CCDC93: variants seen among roughly 807,000 people sequenced by gnomAD.
CCDC93 encodes CCC complex scaffolding subunit CCDC93.
A neutral mutation model predicts 108.2 loss-of-function variants in CCDC93; 61 were observed. The ratio of observed to expected loss-of-function variants is 0.56; its 90% CI spans 0.46 to 0.70. CCDC93 has a LOEUF of 0.70. Among genes scored for constraint, CCDC93 ranks in the 30% least tolerant of loss-of-function variants. The pLI is 0.00. For synonymous variants in CCDC93, 276 were observed against 260.4 expected (o/e 1.06, Z -0.58); for missense variants, 685 against 764.2 (o/e 0.90, Z 1.22).
chr2:118,012,150 T>C (rs1366148291), intron 1 of CCDC93, among the ~76,000 whole-genome samples: 1 of 152,130 alleles, frequency 6.6e-6, no homozygotes, highest in Admixed American at 6.5e-5. Flanking sequence ...GGCTCACATC[T>C]GCAATCCCAG....
intron 1 of CCDC93, among the ~76,000 whole-genome samples, chr2:118,011,801 A>T (rs1249244244): frequency 1.3e-5 from 2 of 152,212 alleles, no homozygotes; most frequent in African/African-American, 4.8e-5. Context: ...TTACTTTTGC[A>T]ATATAACTTG....
chr2:117,923,642 C>G (rs546372581), intron 23 of CCDC93, among the ~76,000 whole-genome samples: 3 of 148,828 alleles, frequency 2.0e-5, no homozygotes, highest in African/African-American at 5.1e-5. Flanking sequence ...TGGAGCTCAC[C>G]GCAGCACAAG....
intron 1 of CCDC93, among the ~76,000 whole-genome samples, chr2:118,013,151 G>A (rs1677064162): frequency 6.6e-6 from 1 of 152,234 alleles, no homozygotes; most frequent in South Asian, 2.1e-4. Flanking sequence ...GCAGCCAAAA[G>A]AAAATGAATA....
intron 23 of CCDC93, among the ~76,000 whole-genome samples, chr2:117,929,990 A>G (rs773877697): frequency 1.3e-5 from 2 of 152,154 alleles, no homozygotes; most frequent in Non-Finnish European, 2.9e-5. Context: ...TATGCTCCTT[A>G]AGGAGGAGGA....
chr2:117,950,966 A>C (rs1679036314), intron 13 of CCDC93: 3 of 985,290 alleles, frequency 3.0e-6, no homozygotes, highest in Admixed American at 6.2e-5. Context: ...TGCTGTTTTC[A>C]TTTGAGGATA....
At chr2:118,006,692 C>A in intron 3 of CCDC93, 30 bp downstream of exon 3, 1 of 1,351,080 alleles carries the variant, frequency 7.4e-7, no homozygotes, top group Non-Finnish European at 1.1e-6. Context: ...CCCTTCTCCC[C>A]ACCTTTAGGT....
chr2:117,973,922 C>T lies in CCDC93; in HGVS notation c.874G>A (p.Glu292Lys), dbSNP rs372750359. The change falls in exon 11 of 24, where the codon GAG (glutamate) becomes AAG (lysine). Residue 292 changes from glutamate to lysine, a missense_variant. Glu to Lys is a moderately conservative substitution (Grantham distance 56, BLOSUM62 1). Coordinates refer to ENST00000376300, the MANE Select transcript of CCDC93 (RefSeq NM_019044.5). ...CSAEIKQIVSEYAEKQSELSA... is the reference protein window; with the variant it reads ...CSAEIKQIVSKYAEKQSELSA... ...CCCCCACCTACCTTCTCTGCATACT[C>T]GGACACAATCTGCTTGATCTCAGCA... 135 of 1,611,470 alleles carry T rather than the reference C, an allele frequency of 8.4e-5. No homozygotes were observed. The highest frequency in any genetic ancestry group is 1.1e-4 in the Non-Finnish European group (124 of 1,178,826).
intron 23 of CCDC93, among the ~76,000 whole-genome samples, chr2:117,927,919 C>T (rs1307549320): frequency 6.2e-4 from 95 of 152,158 alleles, no homozygotes; most frequent in African/African-American, 2.2e-3. Flanking sequence ...GAGATATAGA[C>T]CAATGGAACA....
rs1013453533 is a variant in CCDC93, at chr2:117,916,120, G to C, written c.*4223C>G. The C allele has an allele frequency of 2.0e-5, 3 of 152,086 alleles. No homozygotes were observed. The highest frequency in any genetic ancestry group is 7.2e-5 in the African/African-American group (3 of 41,406). 9.4% of individuals were successfully genotyped at this position (152,086 alleles called of 1,614,324 possible). ...CACTTTTGATAGACACCGTCCAGCTGTCCCCCATGGAGTGCCTACATGTCA... is the reference window on the plus strand; with the variant it reads ...CACTTTTGATAGACACCGTCCAGCTCTCCCCCATGGAGTGCCTACATGTCA... On this transcript the variant is annotated 3_prime_UTR_variant, in exon 24 of 24. Coordinates refer to ENST00000376300, the MANE Select transcript of CCDC93 (RefSeq NM_019044.5).
At chr2:117,931,723 A>C (rs1484131234) in intron 22 of CCDC93, 1 of 152,320 alleles carries the variant, frequency 6.6e-6, no homozygotes, top group Non-Finnish European at 1.5e-5. Context: ...TTATCATTTT[A>C]AAAACAATAC....
At chr2:117,978,296 A>G (rs767893467) in intron 7 of CCDC93, among the ~76,000 whole-genome samples, 1 of 152,224 alleles carries the variant, frequency 6.6e-6, no homozygotes, top group Non-Finnish European at 1.5e-5. Flanking sequence ...CCTTAAGTGC[A>G]ATTATGACTT....
At chr2:117,964,932 G>C (rs992036171) in intron 11 of CCDC93, among the ~76,000 whole-genome samples, 1 of 152,128 alleles carries the variant, frequency 6.6e-6, no homozygotes, top group African/African-American at 2.4e-5. Flanking sequence ...TATCAGGTGA[G>C]TCTCCACAAA....
At chr2:117,996,912 G>C (rs531357355) in intron 4 of CCDC93, 2 of 153,032 alleles carry the variant, frequency 1.3e-5, no homozygotes, top group Non-Finnish European at 2.9e-5. Context: ...TGCATACTGA[G>C]TACGCAGTTG....
Position 118,000,882 on chromosome 2 carries a change from T to C in CCDC93, c.302A>G (p.His101Arg), listed in dbSNP as rs1439712820. ...VSVLPRMKCP[H>R]QLEPHQIQGM... ...CTGGATCTGGTGGGGCTCCAGCTGG[T>C]GTGGGCATTTCATCCTTGGCAGGAC... The change falls in exon 4 of 24, where the codon CAC (histidine) becomes CGC (arginine). Residue 101 changes from histidine to arginine, a missense_variant. His to Arg is a conservative substitution (Grantham distance 29). Transcript: ENST00000376300. 1 of 1,613,746 alleles carries C rather than the reference T, an allele frequency of 6.2e-7. No individual in the cohort carries two copies. Among genetic ancestry groups the C allele is most frequent in the Non-Finnish European group, 8.5e-7 (1 of 1,179,782 alleles).
intron 11 of CCDC93, 111 bp from the exon 12 acceptor site, chr2:117,958,592 A>G: frequency 1.4e-6 from 1 of 704,630 alleles, no homozygotes; most frequent in Non-Finnish European, 2.6e-6. Context: ...CAGTCACACC[A>G]AGCCAGGGCA....
intron 15 of CCDC93, 100 bp from the exon 16 acceptor site, chr2:117,946,982 A>G (rs1362971698): frequency 2.2e-6 from 2 of 914,762 alleles, no homozygotes; most frequent in South Asian, 1.4e-5. Flanking sequence ...ACATTTCATG[A>G]GTTTATTCTG....
chr2:117,992,964 G>A (rs749474044), intron 6 of CCDC93, among the ~76,000 whole-genome samples: 4 of 151,990 alleles, frequency 2.6e-5, no homozygotes, highest in Non-Finnish European at 5.9e-5. Context: ...AGAGATGCCA[G>A]GCTCAGTTTC....
chr2:117,916,161 C>CATATCTA lies in CCDC93; in HGVS notation c.*4181_*4182insTAGATAT, dbSNP rs1677678383. On this transcript the variant is annotated 3_prime_UTR_variant, in exon 24 of 24. Coordinates refer to ENST00000376300, the MANE Select transcript of CCDC93 (RefSeq NM_019044.5). Reference sequence around the variant, plus strand: ...CTACATGTCACACTCCTGCCACCACCGTATCTAGTGCTGCCACCCACAGCC... The same window carrying CATATCTA: ...CTACATGTCACACTCCTGCCACCACCATATCTAGTATCTAGTGCTGCCACCCACAGCC... 1.3e-5 allele frequency: 2 copies of CATATCTA among 152,142 alleles called. No individual in the cohort carries two copies. Among genetic ancestry groups the CATATCTA allele is most frequent in the Admixed American group, 6.5e-5 (1 of 15,270 alleles). 9.4% of individuals were successfully genotyped at this position (152,142 alleles called of 1,614,324 possible).
chr2:117,947,765 C>T lies in CCDC93; in HGVS notation c.1224+340G>A, dbSNP rs868283692. 4.8e-4 allele frequency among the ~76,000 whole-genome samples: 69 copies of T among 144,442 alleles called. No homozygotes were observed. The Middle Eastern group carries it at 0.02, about 42-fold the overall frequency. 94.8% of individuals were successfully genotyped at this position (144,442 alleles called of 152,430 possible). On this transcript the variant is annotated intron_variant, in intron 15 of 23. Transcript: ENST00000376300. ...CTGGAGTGCAGTGGCGTGATCTTGG[C>T]TCACTGCAAGCTCTGCCTCCCAGGT... is the stretch of plus-strand genomic sequence containing the variant.
Sources: allele counts gnomAD v4.1 joint callset (sites outside exome capture counted in the v4.1 genomes callset), GRCh38; gene constraint gnomAD v4.1.1; transcripts MANE v1.5; gene names NCBI Gene and HGNC (gene_info 2026-07-23, HGNC 2026-07-21).